Variants in SHPRH observed in about 807,000 individuals in gnomAD.
The protein encoded by SHPRH is SNF2 histone linker PHD RING helicase.
SHPRH carries 106 observed loss-of-function variants against 202.5 expected under a neutral mutation model. The observed-to-expected ratio is 0.52, with a 90% CI of 0.45 to 0.62. The LOEUF (loss-of-function observed/expected upper bound fraction) is 0.62. SHPRH is among the 20% of genes least tolerant of loss of function. SHPRH has a pLI of 0.00. For missense variants in SHPRH, 1,710 were observed against 2,020.0 expected, an observed-to-expected ratio of 0.85 and a Z score of 2.94; for synonymous variants, 729 against 686.0, an observed-to-expected ratio of 1.06 and a Z score of -0.98.
chr6:145,919,609 G>A, intron 21 of SHPRH, 118 bp from the exon 22 acceptor site: 1 of 1,202,846 alleles, frequency 8.3e-7, no homozygotes, highest in South Asian at 1.6e-5. Flanking sequence ...TTCGCTATGT[G>A]TCTAACGTAC....
intron 9 of SHPRH, 127 bp downstream of exon 9, chr6:145,943,016 T>C (rs1440750209): frequency 1.2e-5 from 14 of 1,129,526 alleles, no homozygotes; most frequent in Middle Eastern, 2.0e-4. Flanking sequence ...AAGCTTTGAT[T>C]TAACATTACT....
chr6:145,896,694 T>C (rs987114015), intron 25 of SHPRH, among the ~76,000 whole-genome samples: 1 of 152,062 alleles, frequency 6.6e-6, no homozygotes, highest in Admixed American at 6.6e-5. Flanking sequence ...TGAAATTACA[T>C]CAAGTATCTT....
intron 24 of SHPRH, 86 bp from the exon 25 acceptor site, chr6:145,910,722 C>T (rs1402588868): frequency 7.8e-7 from 1 of 1,279,554 alleles, no homozygotes; most frequent in Non-Finnish European, 1.0e-6. Flanking sequence ...GCAATTTTTC[C>T]TCCTAAAGAT....
chr6:145,932,988 A>T (rs1785636783), intron 14 of SHPRH, 69 bp downstream of exon 14: 7 of 1,510,628 alleles, frequency 4.6e-6, no homozygotes, highest in Non-Finnish European at 6.3e-6. Flanking sequence ...ATCAAAATCT[A>T]TTTTTTCTAT....
rs916043506 is a variant in SHPRH, at chr6:145,919,771, CTTGTT to C, written c.4009-285_4009-281del. ...GTCCAGTTTTAGGCTGACAGAATCT[CTTGTT>C]TTATTTTTTAAAAATAGTTTTATTA... On this transcript the variant is annotated intron_variant, in intron 21 of 29. Transcript: ENST00000275233. Among the ~76,000 whole-genome samples the C allele has an allele frequency of 5.9e-5, 9 of 152,202 alleles. 1 individual carries two copies. The South Asian group carries it at 6.2e-4, about 11-fold the overall frequency.
chr6:145,951,969 G>C (rs1788027960), intron 3 of SHPRH: 1 of 442,302 alleles, frequency 2.3e-6, no homozygotes, highest in Non-Finnish European at 4.6e-6. Flanking sequence ...ATGGGAACCA[G>C]GCTTTTGAAA....
At chr6:145,916,596 AT>A (rs1476310552) in intron 23 of SHPRH, among the ~76,000 whole-genome samples, 4 of 152,060 alleles carry the variant, frequency 2.6e-5, no homozygotes, top group Admixed American at 2.0e-4. Flanking sequence ...TTTTTCTTTT[AT>A]TAACAGCCAA....
downstream of SHPRH, chr6:145,862,695 G>C (rs965656456): frequency 6.6e-6 from 1 of 152,196 alleles, no homozygotes; most frequent in Non-Finnish European, 1.5e-5. Flanking sequence ...CTGTGTTTCA[G>C]CTGTCAAACT....
chr6:145,874,286 T>A (rs1780201869), intron 2 of SHPRH, among the ~76,000 whole-genome samples: 1 of 151,936 alleles, frequency 6.6e-6, no homozygotes, highest in Non-Finnish European at 1.5e-5. Flanking sequence ...TGCAATAAAT[T>A]CACATTTAAA....
At chr6:145,870,259 A>ATT (rs146513776) in intron 2 of SHPRH, among the ~76,000 whole-genome samples, 28 of 107,736 alleles carry the variant, frequency 2.6e-4, no homozygotes, top group Non-Finnish European at 3.4e-4. Flanking sequence ...ATCGTTTCAG[A>ATT]TTTTTTTTTT....
At chr6:145,860,956 G>A (rs2265474), downstream of SHPRH, among the ~76,000 whole-genome samples, 53,204 of 151,812 alleles carry the variant, frequency 0.35, 10,087 homozygotes, top group South Asian at 0.48. Context: ...TGTAAAGCAT[G>A]AAAGTGGGCC....
chr6:145,899,152 T>C (rs1464351554), intron 25 of SHPRH, among the ~76,000 whole-genome samples: 1 of 152,074 alleles, frequency 6.6e-6, no homozygotes, highest in Non-Finnish European at 1.5e-5. Context: ...GCCTCAAATA[T>C]TCTGTTACGG....
downstream of SHPRH, among the ~76,000 whole-genome samples, chr6:145,860,689 A>C (rs1779551246): frequency 6.6e-6 from 1 of 152,132 alleles, no homozygotes; most frequent in South Asian, 2.1e-4. Flanking sequence ...CAAATAGCCA[A>C]AGAAATTTTG....
intron 14 of SHPRH, 93 bp downstream of exon 14, chr6:145,932,964 T>C (rs1582745288): frequency 5.2e-6 from 6 of 1,150,474 alleles, no homozygotes; most frequent in South Asian, 1.6e-5. Context: ...GGGGGAAAAA[T>C]CCCCCCCCCA....
Position 145,875,930 on chromosome 6 carries a change from G to T in SHPRH, c.222-11439C>A, listed in dbSNP as rs534360078. Reference sequence around the variant, plus strand: ...ATTTTCATCTACAATTGGCTCTGCCGAAGTTTTGCATGCCAAATGATATTT... The same window carrying T: ...ATTTTCATCTACAATTGGCTCTGCCTAAGTTTTGCATGCCAAATGATATTT... On this transcript the variant is annotated intron_variant, in intron 2 of 2. Coordinates refer to the SHPRH transcript ENST00000417762. Among the ~76,000 whole-genome samples, 23 of 152,278 alleles carry T rather than the reference G, an allele frequency of 1.5e-4. No homozygotes were observed. In the South Asian group the frequency reaches 1.9e-3, roughly 12 times the overall value.
intron 25 of SHPRH, chr6:145,909,060 G>C (rs1349062633): frequency 6.6e-6 from 1 of 152,006 alleles, no homozygotes; most frequent in East Asian, 1.9e-4. Context: ...TTGTAGATGT[G>C]TGGTATTATT....
intron 2 of SHPRH, among the ~76,000 whole-genome samples, chr6:145,876,453 A>C (rs551502976): frequency 1.3e-5 from 2 of 152,284 alleles, no homozygotes; most frequent in South Asian, 4.1e-4. Context: ...GCTTTTTTTC[A>C]CTTAGCATAA....
chr6:145,883,752 A>AT (rs1484391147), downstream of SHPRH: 5 of 151,844 alleles, frequency 3.3e-5, no homozygotes, highest in Admixed American at 1.3e-4. Context: ...GTTGTAATGC[A>AT]TTTTTTTGTT....
In SHPRH at chr6:145,935,045, T is replaced by C. The variant is rs778523924; in HGVS notation, c.2852A>G (p.Lys951Arg). The C allele has an allele frequency of 6.8e-6, 11 of 1,613,918 alleles. No homozygotes were observed. Among genetic ancestry groups the C allele is most frequent in the Non-Finnish European group, 5.1e-6 (6 of 1,180,000 alleles). The change falls in exon 13 of 30, where the codon AAG becomes AGG. Residue 951 changes from lysine to arginine, a missense_variant. Physicochemically the swap from Lys to Arg is conservative, Grantham distance 26. Coordinates refer to ENST00000275233, the MANE Select transcript of SHPRH (RefSeq NM_001042683.3). Reference protein sequence around the residue: ...CCQDVVVKLRKISDWALKLSS... With the variant: ...CCQDVVVKLRRISDWALKLSS... ...GAGCTTCAGAGCCCAGTCAGAAATC[T>C]TCCTGAGTTTTACCACCACATCCTG...
Sources: gnomAD v4.1 joint callset for allele counts (sites outside exome capture counted in the v4.1 genomes callset) on GRCh38, gnomAD v4.1.1 for gene constraint, MANE v1.5 for transcripts, NCBI Gene and HGNC (gene_info 2026-07-23, HGNC 2026-07-21) for gene names.